FBXL2: variants seen among roughly 807,000 people sequenced by gnomAD.
FBXL2 encodes F-box/LRR-repeat protein 2.
FBXL2 carries 38 observed loss-of-function variants against 69.2 expected under a neutral mutation model. The observed-to-expected ratio is 0.55, with a 90% CI of 0.42 to 0.72. FBXL2 has a LOEUF of 0.72. Ranked by LOEUF, FBXL2 falls within the 30% of genes least tolerant of loss-of-function variation. The pLI, the probability that FBXL2 is intolerant of heterozygous loss-of-function variation, is 0.00. For synonymous variants in FBXL2, 192 were observed against 201.3 expected, an observed-to-expected ratio of 0.95 and a Z score of 0.39; for missense variants, 354 against 520.3, an observed-to-expected ratio of 0.68 and a Z score of 3.11.
Position 33,378,954 on chromosome 3 carries a change from G to A in FBXL2, c.951+213G>A, listed in dbSNP as rs2042826372. ...ATTTTAAGATTCCCAAAAGAGAAAT[G>A]TCCAGATCCAGATGGTTTTGTTGGG... On this transcript the variant is annotated intron_variant, in intron 13 of 14. Transcript: ENST00000484457. 7 of 876,062 alleles carry A rather than the reference G, an allele frequency of 8.0e-6. No homozygotes were observed. In the East Asian group the frequency reaches 1.9e-4, roughly 24 times the overall value. The allele number at this position is 876,062 out of a possible 1,614,324, so 54.3% of individuals were successfully genotyped here.
intron 2 of FBXL2, among the ~76,000 whole-genome samples, chr3:33,355,337 G>T (rs1403215974): frequency 6.6e-6 from 1 of 152,152 alleles, no homozygotes; most frequent in South Asian, 2.1e-4. Flanking sequence ...AAAAATTAAA[G>T]AAATCCTAAA....
the FBXL2 span, among the ~76,000 whole-genome samples, chr3:33,418,553 C>A: frequency 6.6e-5 from 10 of 151,900 alleles, no homozygotes; most frequent in African/African-American, 2.4e-4. Flanking sequence ...GCCACCGCAC[C>A]CGGCCATAAG....
At chr3:33,379,355 T>G (rs1403795708) in intron 13 of FBXL2, among the ~76,000 whole-genome samples, 1 of 151,928 alleles carries the variant, frequency 6.6e-6, no homozygotes, top group Non-Finnish European at 1.5e-5. Flanking sequence ...CAGTAAAACA[T>G]TTTACAACTC....
At chr3:33,416,943 TGTTA>T in the FBXL2 span, 2 of 948,940 alleles carry the variant, frequency 2.1e-6, no homozygotes, top group Non-Finnish European at 1.6e-6. Context: ...AATGATAGTT[TGTTA>T]ATTTGCTACG....
At chr3:33,307,363 T>C (rs1286768437) in intron 2 of FBXL2, among the ~76,000 whole-genome samples, 1 of 152,126 alleles carries the variant, frequency 6.6e-6, no homozygotes, top group African/African-American at 2.4e-5. Context: ...AATATTGAAG[T>C]TATGACAGAT....
chr3:33,282,287 C>T (rs2034103721), intron 1 of FBXL2, among the ~76,000 whole-genome samples: 2 of 152,126 alleles, frequency 1.3e-5, no homozygotes, highest in Non-Finnish European at 2.9e-5. Context: ...TTCCCAGCAC[C>T]ATTTATTAAA....
the FBXL2 span, among the ~76,000 whole-genome samples, chr3:33,420,164 T>A: frequency 5.0e-4 from 76 of 152,310 alleles, no homozygotes; most frequent in African/African-American, 1.8e-3. Context: ...TAAAGTCCTA[T>A]TCCTATCATG....
chr3:33,378,483 A>G (rs1035888494), intron 12 of FBXL2, among the ~76,000 whole-genome samples: 2 of 152,168 alleles, frequency 1.3e-5, no homozygotes, highest in Non-Finnish European at 2.9e-5. Flanking sequence ...GGGGTACCAG[A>G]AGAGAGACAA....
rs1200940015 is a variant in FBXL2, at chr3:33,385,509, C to A, written c.1173C>A (p.Leu391=). The A allele has an allele frequency of 1.2e-6, 2 of 1,613,834 alleles. No individual in the cohort carries two copies. The highest frequency in any genetic ancestry group is 1.7e-6 in the Non-Finnish European group (2 of 1,179,894). ...RAGIKRMRAQ[L]PHVKVHAYFA... ...TTTCTTCATCCTTCCAGGCTCAGCT[C>A]CCTCATGTCAAAGTCCACGCCTACT... Residue 391 remains leucine (L), a synonymous_variant, in exon 15 of 15, where the codon CTC becomes CTA. Transcript: ENST00000484457.
chr3:33,417,150 C>T, the FBXL2 span, among the ~76,000 whole-genome samples: 1 of 152,080 alleles, frequency 6.6e-6, no homozygotes, highest in South Asian at 2.1e-4. Flanking sequence ...GTTTACATAC[C>T]ATAAAATTCA....
chr3:33,323,096 G>A (rs2038374959), intron 2 of FBXL2, among the ~76,000 whole-genome samples: 2 of 152,004 alleles, frequency 1.3e-5, no homozygotes, highest in South Asian at 2.1e-4. Context: ...AAAATCTAAA[G>A]TTATTTTGTC....
intron 2 of FBXL2, among the ~76,000 whole-genome samples, chr3:33,355,580 T>C (rs773843465): frequency 3.9e-5 from 6 of 152,202 alleles, no homozygotes; most frequent in Non-Finnish European, 7.3e-5. Context: ...TTACCAGACA[T>C]TGTGACTTAT....
chr3:33,306,234 C>A (rs1382957106), intron 2 of FBXL2, among the ~76,000 whole-genome samples: 1 of 151,380 alleles, frequency 6.6e-6, no homozygotes, highest in African/African-American at 2.4e-5. Flanking sequence ...GCTTTTGCTT[C>A]TTTGACCCAT....
intron 4 of FBXL2, among the ~76,000 whole-genome samples, chr3:33,359,751 G>A (rs2154041422): frequency 6.6e-6 from 1 of 151,624 alleles, no homozygotes; most frequent in South Asian, 2.1e-4. Flanking sequence ...CCAAGAGTGA[G>A]GCTGGAGATC....
chr3:33,378,203 C>G, intron 12 of FBXL2, 56 bp downstream of exon 12: 3 of 1,508,716 alleles, frequency 2.0e-6, no homozygotes, highest in Non-Finnish European at 2.8e-6. Context: ...CATTGCTGGC[C>G]AGTGCAGCAC....
intron 2 of FBXL2, among the ~76,000 whole-genome samples, chr3:33,335,921 CTT>C (rs1301855075): frequency 6.6e-6 from 1 of 152,086 alleles, no homozygotes; most frequent in African/African-American, 2.4e-5. Context: ...CTAAATATAA[CTT>C]TGTTAGATTT....
intron 2 of FBXL2, among the ~76,000 whole-genome samples, chr3:33,351,284 A>G (rs1172223174): frequency 6.6e-6 from 1 of 151,810 alleles, no homozygotes; most frequent in African/African-American, 2.4e-5. Context: ...AAATAAATAA[A>G]CCTCCTCCTG....
the FBXL2 span, among the ~76,000 whole-genome samples, chr3:33,420,646 G>A: frequency 2.0e-5 from 3 of 152,098 alleles, no homozygotes; most frequent in Non-Finnish European, 2.9e-5. Context: ...ATGCCAGTAC[G>A]CCCAGCTAAT....
intron 2 of FBXL2, among the ~76,000 whole-genome samples, chr3:33,300,831 C>T (rs2036216293): frequency 1.3e-5 from 2 of 151,782 alleles, no homozygotes; most frequent in Middle Eastern, 6.8e-3. Flanking sequence ...GCCTCAGCCT[C>T]CTGTGTAGCT....
Sources: allele counts gnomAD v4.1 joint callset (sites outside exome capture counted in the v4.1 genomes callset), GRCh38; gene constraint gnomAD v4.1.1; transcripts MANE v1.5; gene names NCBI Gene and HGNC (gene_info 2026-07-23, HGNC 2026-07-21).